Variants in HS6ST3 observed in about 807,000 individuals in gnomAD.
HS6ST3 encodes the protein heparan-sulfate 6-O-sulfotransferase 3.
A neutral mutation model predicts 36.7 loss-of-function variants in HS6ST3; 12 were observed. The ratio of observed to expected loss-of-function variants is 0.33; its 90% CI spans 0.21 to 0.53. The LOEUF is 0.53. Ranked by LOEUF, HS6ST3 falls within the 20% of genes least tolerant of loss-of-function variation. HS6ST3 has a pLI of 0.95. For missense variants in HS6ST3, 584 were observed against 640.9 expected (o/e 0.91, Z 0.96); for synonymous variants, 240 against 257.5 (o/e 0.93, Z 0.65).
chr13:96,630,288 T>G (rs2056527466), intron 1 of HS6ST3, among the ~76,000 whole-genome samples: 1 of 152,178 alleles, frequency 6.6e-6, no homozygotes, highest in Non-Finnish European at 1.5e-5. Flanking sequence ...TTTATTAGAA[T>G]GACCTTGAGG....
At chr13:96,637,244 G>A (rs2056553191) in intron 1 of HS6ST3, among the ~76,000 whole-genome samples, 1 of 152,038 alleles carries the variant, frequency 6.6e-6, no homozygotes, top group Admixed American at 6.6e-5. Flanking sequence ...TTACCAGATT[G>A]GTATGATAAA....
chr13:96,311,371 C>T (rs1255359217), intron 1 of HS6ST3, among the ~76,000 whole-genome samples: 1 of 152,132 alleles, frequency 6.6e-6, no homozygotes, highest in Admixed American at 6.6e-5. Flanking sequence ...CTTGAATTAA[C>T]AAAATGCATG....
At chr13:96,359,948 C>A (rs537502757) in intron 1 of HS6ST3, among the ~76,000 whole-genome samples, 5 of 152,138 alleles carry the variant, frequency 3.3e-5, no homozygotes, top group Non-Finnish European at 7.4e-5. Context: ...AGGATACACT[C>A]CAGCCACCCC....
At chr13:96,649,960 A>G (rs1216495196) in intron 1 of HS6ST3, among the ~76,000 whole-genome samples, 1 of 151,840 alleles carries the variant, frequency 6.6e-6, no homozygotes, top group African/African-American at 2.4e-5. Flanking sequence ...CTGTTTGCTG[A>G]ACTTCACAAG....
chr13:96,755,898 A>T (rs935865547), intron 1 of HS6ST3, among the ~76,000 whole-genome samples: 12 of 152,172 alleles, frequency 7.9e-5, no homozygotes, highest in Admixed American at 5.2e-4. Flanking sequence ...ATTCAACTTG[A>T]TAAGAAATCA....
intron 1 of HS6ST3, among the ~76,000 whole-genome samples, chr13:96,461,467 G>A (rs4771951): frequency 0.77 from 117,882 of 152,142 alleles, 48,812 homozygotes; most frequent in Non-Finnish European, 0.94. Flanking sequence ...AATAAGGACA[G>A]GTCAAATGTT....
intron 1 of HS6ST3, among the ~76,000 whole-genome samples, chr13:96,107,392 A>T (rs1403393499): frequency 6.6e-6 from 1 of 152,146 alleles, no homozygotes; most frequent in Admixed American, 6.5e-5. Context: ...GGTCGGGACA[A>T]GGTGTTGGAT....
chr13:96,391,770 A>G (rs952030281), intron 1 of HS6ST3, among the ~76,000 whole-genome samples: 13 of 152,198 alleles, frequency 8.5e-5, no homozygotes, highest in Admixed American at 8.5e-4. Context: ...TCACAAGAAC[A>G]GCATGGGAAA....
chr13:96,623,625 A>G (rs2056502614), intron 1 of HS6ST3, among the ~76,000 whole-genome samples: 2 of 151,894 alleles, frequency 1.3e-5, no homozygotes, highest in African/African-American at 4.8e-5. Flanking sequence ...CTTATATCTC[A>G]TTGGGTCACG....
At chr13:96,407,689 C>T (rs893215476) in intron 1 of HS6ST3, among the ~76,000 whole-genome samples, 1 of 152,090 alleles carries the variant, frequency 6.6e-6, no homozygotes, top group African/African-American at 2.4e-5. Context: ...ATGAAATTGT[C>T]CTCGTCCATG....
chr13:96,327,320 G>A (rs371437837), intron 1 of HS6ST3, among the ~76,000 whole-genome samples: 4 of 152,010 alleles, frequency 2.6e-5, no homozygotes, highest in South Asian at 2.1e-4. Context: ...TAGGACTAAC[G>A]TTTAAGTCTT....
chr13:96,565,016 C>T (rs2056275822), intron 1 of HS6ST3, among the ~76,000 whole-genome samples: 1 of 152,030 alleles, frequency 6.6e-6, no homozygotes, highest in South Asian at 2.1e-4. Context: ...AGCTACAGTA[C>T]ATAAACTTGC....
intron 1 of HS6ST3, among the ~76,000 whole-genome samples, chr13:96,606,833 A>G (rs1412130603): frequency 6.6e-6 from 1 of 152,234 alleles, no homozygotes; most frequent in Non-Finnish European, 1.5e-5. Flanking sequence ...AACTACAAGG[A>G]AGACAAGAAT....
chr13:96,813,079 GTATT>G (rs1312928787), intron 1 of HS6ST3, among the ~76,000 whole-genome samples: 2 of 152,164 alleles, frequency 1.3e-5, no homozygotes, highest in Non-Finnish European at 2.9e-5. Flanking sequence ...CAGAGGAACT[GTATT>G]TAAAGCGCTT....
intron 1 of HS6ST3, among the ~76,000 whole-genome samples, chr13:96,112,766 C>CAACAAACA (rs55814815): frequency 0.028 from 4,092 of 145,690 alleles, 75 homozygotes; most frequent in Non-Finnish European, 0.035. Flanking sequence ...GACTCTGTTT[C>CAACAAACA]AACAAACAAA....
chr13:96,626,012 AT>A (rs71117603), intron 1 of HS6ST3, among the ~76,000 whole-genome samples: 126,166 of 149,298 alleles, frequency 0.85, 53,277 homozygotes, highest in African/African-American at 0.89. Context: ...AATTTTTTGT[AT>A]TTTTTTTTTT....
chr13:96,790,608 A>C (rs1877764136), intron 1 of HS6ST3, among the ~76,000 whole-genome samples: 1 of 152,096 alleles, frequency 6.6e-6, no homozygotes, highest in South Asian at 2.1e-4. Flanking sequence ...GTACTATGCC[A>C]AGTATTCACA....
At chr13:96,688,401 G>T (rs561911037) in intron 1 of HS6ST3, among the ~76,000 whole-genome samples, 2 of 151,768 alleles carry the variant, frequency 1.3e-5, no homozygotes, top group African/African-American at 4.8e-5. Context: ...ATGTGGCTTC[G>T]TCAAGCTGAG....
chr13:96,245,944 T>C (rs1348221779), intron 1 of HS6ST3, among the ~76,000 whole-genome samples: 1 of 152,164 alleles, frequency 6.6e-6, no homozygotes, highest in Non-Finnish European at 1.5e-5. Flanking sequence ...CTACATGAGT[T>C]AATATGTTAA....
Sources: allele counts gnomAD v4.1 joint callset (sites outside exome capture counted in the v4.1 genomes callset), GRCh38; gene constraint gnomAD v4.1.1; transcripts MANE v1.5; gene names NCBI Gene and HGNC (gene_info 2026-07-23, HGNC 2026-07-21).